Variants in FRMD4A observed in about 807,000 individuals in gnomAD.
The protein encoded by FRMD4A is FERM domain-containing protein 4A.
In FRMD4A, 29 loss-of-function variants were observed where a neutral mutation model predicts 129.1. The observed-to-expected ratio is 0.22, with a 90% CI of 0.17 to 0.31. FRMD4A has a LOEUF of 0.31. FRMD4A is among the 10% of genes least tolerant of loss of function. The pLI is 1.00. For missense variants in FRMD4A, 1,272 were observed against 1,375.8 expected, an observed-to-expected ratio of 0.92 and a Z score of 1.19; for synonymous variants, 634 against 571.6, an observed-to-expected ratio of 1.11 and a Z score of -1.56.
chr10:14,012,685 A>G (rs981549302), intron 2 of FRMD4A, among the ~76,000 whole-genome samples: 1 of 152,072 alleles, frequency 6.6e-6, no homozygotes, highest in African/African-American at 2.4e-5. Flanking sequence ...AGGGTAAATG[A>G]TCTCCTGATG....
chr10:14,163,359 T>C (rs1403486939), intron 2 of FRMD4A, among the ~76,000 whole-genome samples: 2 of 152,262 alleles, frequency 1.3e-5, no homozygotes, highest in Non-Finnish European at 2.9e-5. Context: ...CGTAATTCCC[T>C]TTGAATATCA....
At chr10:13,984,400 C>T (rs1011607356) in intron 2 of FRMD4A, among the ~76,000 whole-genome samples, 6 of 152,132 alleles carry the variant, frequency 3.9e-5, no homozygotes, top group Non-Finnish European at 8.8e-5. Context: ...ATACGTAATA[C>T]AAACTTTACA....
chr10:14,296,863 C>T lies in FRMD4A; in HGVS notation c.45+33195G>A, dbSNP rs576993040. On this transcript the variant is annotated intron_variant, in intron 2 of 24. Transcript: ENST00000357447. ...TACAACTCCCTTTCCCCCCAGTTCT[C>T]ATCCTGTCCTAACTTAGTGAAAGGA... 2.6e-5 allele frequency among the ~76,000 whole-genome samples: 4 copies of T among 152,266 alleles called. No individual in the cohort carries two copies. In the East Asian group the frequency reaches 7.7e-4, roughly 29 times the overall value.
chr10:14,109,565 C>G (rs553015831), intron 2 of FRMD4A, among the ~76,000 whole-genome samples: 1 of 152,304 alleles, frequency 6.6e-6, no homozygotes, highest in South Asian at 2.1e-4. Flanking sequence ...AATACATAAT[C>G]CAGTGTGTTT....
At chr10:14,089,638 AAC>A (rs1491566843) in intron 2 of FRMD4A, among the ~76,000 whole-genome samples, 22 of 118,484 alleles carry the variant, frequency 1.9e-4, no homozygotes, top group South Asian at 9.0e-4. Flanking sequence ...AACAAAAAAA[AAC>A]AAACAAAAAA....
At chr10:13,730,088 G>A (rs1047624791) in intron 12 of FRMD4A, among the ~76,000 whole-genome samples, 4 of 152,162 alleles carry the variant, frequency 2.6e-5, no homozygotes, top group Admixed American at 2.6e-4. Flanking sequence ...TTGTCTGCAG[G>A]TCTGGGGACT....
intron 24 of FRMD4A, among the ~76,000 whole-genome samples, chr10:13,650,204 A>AAAC (rs1448098069): frequency 6.6e-6 from 1 of 152,174 alleles, no homozygotes; most frequent in Non-Finnish European, 1.5e-5. Context: ...GAGGAATTTC[A>AAAC]AACTGAATTA....
intron 2 of FRMD4A, among the ~76,000 whole-genome samples, chr10:14,327,748 ACCAACCTGGTATCAG>A (rs1843335445): frequency 6.6e-6 from 1 of 152,150 alleles, no homozygotes; most frequent in South Asian, 2.1e-4. Flanking sequence ...ACTGCAATCC[ACCAACCTGGTATCAG>A]CCTCCCACAG....
At chr10:13,738,045 G>A in intron 11 of FRMD4A, 115 bp from the exon 12 acceptor site, 2 of 677,860 alleles carry the variant, frequency 3.0e-6, no homozygotes, top group South Asian at 1.7e-5. Context: ...CCTTGGAATG[G>A]ATGGAGCCCA....
chr10:13,761,898 T>C lies in FRMD4A; in HGVS notation c.442-229A>G, dbSNP rs79275335. The stretch of plus-strand genomic sequence containing the variant: ...AGAAACTTATATACAAAGTAAGTGA[T>C]TCATAATGACAAAATGCACATCTCC... On this transcript the variant is annotated intron_variant, in intron 7 of 24. Coordinates refer to ENST00000357447, the MANE Select transcript of FRMD4A (RefSeq NM_018027.5). 9.1e-3 allele frequency among the ~76,000 whole-genome samples: 1,388 copies of C among 152,340 alleles called. 24 individuals are homozygous for C. The highest frequency in any genetic ancestry group is 0.032 in the African/African-American group (1,328 of 41,576).
At chr10:14,289,793 C>T (rs1026754584) in intron 2 of FRMD4A, among the ~76,000 whole-genome samples, 1 of 151,938 alleles carries the variant, frequency 6.6e-6, no homozygotes, top group Non-Finnish European at 1.5e-5. Flanking sequence ...AATGTGTCCA[C>T]ATCAGAGAGG....
chr10:13,720,906 C>T (rs2134974612), intron 12 of FRMD4A, among the ~76,000 whole-genome samples: 1 of 152,294 alleles, frequency 6.6e-6, no homozygotes, highest in South Asian at 2.1e-4. Context: ...AAAAGGAATG[C>T]AGTACTAATG....
At chr10:13,971,382 A>G (rs2095517306) in intron 2 of FRMD4A, among the ~76,000 whole-genome samples, 1 of 152,188 alleles carries the variant, frequency 6.6e-6, no homozygotes. Flanking sequence ...CAAAATGGTG[A>G]CAATAATAAT....
chr10:13,761,732 A>G (rs2092082054), intron 7 of FRMD4A, 63 bp from the exon 8 acceptor site: 1 of 1,073,356 alleles, frequency 9.3e-7, no homozygotes, highest in Non-Finnish European at 1.4e-6. Flanking sequence ...ACTCTAAAGT[A>G]CATTCTATAA....
chr10:13,750,096 G>T (rs867958814), intron 8 of FRMD4A, among the ~76,000 whole-genome samples: 2,052 of 100,964 alleles, frequency 0.02, 26 homozygotes, highest in African/African-American at 0.058. Context: ...AAGAAAGAAA[G>T]AAAGAAAGAA....
At chr10:14,223,489 C>T (rs1843329345) in intron 2 of FRMD4A, among the ~76,000 whole-genome samples, 1 of 152,114 alleles carries the variant, frequency 6.6e-6, no homozygotes, top group South Asian at 2.1e-4. Flanking sequence ...TACCTGTAAT[C>T]CCAGCACTTT....
intron 2 of FRMD4A, among the ~76,000 whole-genome samples, chr10:13,944,115 C>A (rs1054310716): frequency 6.6e-6 from 1 of 152,188 alleles, no homozygotes; most frequent in Non-Finnish European, 1.5e-5. Context: ...TCTTGGGGAT[C>A]TTATGTAGCA....
chr10:13,763,479 G>T (rs1181139575), intron 6 of FRMD4A, among the ~76,000 whole-genome samples: 3 of 152,070 alleles, frequency 2.0e-5, no homozygotes, highest in Non-Finnish European at 2.9e-5. Flanking sequence ...AGTGACTACC[G>T]TATCGTCAGC....
rs190135218 is a variant in FRMD4A at position 13,676,463 on chromosome 10, C to T, written c.1118-1419G>A. On this transcript the variant is annotated intron_variant, in intron 15 of 24. Transcript: ENST00000357447. ...TTTTTTTTTGTATTTTTAGTTGAGA[C>T]GGGGTTTCACCATGTTGGCCAGGCT... Among the ~76,000 whole-genome samples, 5 of 144,778 alleles carry T rather than the reference C, an allele frequency of 3.5e-5. No individual in the cohort carries two copies. In the East Asian group the frequency reaches 6.0e-4, roughly 17 times the overall value. The allele number at this position is 144,778 out of a possible 152,430, so 95.0% of individuals were successfully genotyped here.
Sources: allele counts gnomAD v4.1 joint callset (sites outside exome capture counted in the v4.1 genomes callset), GRCh38; gene constraint gnomAD v4.1.1; transcripts MANE v1.5; gene names NCBI Gene and HGNC (gene_info 2026-07-23, HGNC 2026-07-21).